The following DCAF8L2 variants were observed in gnomAD, a reference collection of about 807,000 sequenced individuals.
DCAF8L2 encodes DDB1- and CUL4-associated factor 8-like protein 2.
For synonymous variants in DCAF8L2, 200 were observed against 190.9 expected, an observed-to-expected ratio of 1.05 and a Z score of -0.39; for missense variants, 430 against 490.7, an observed-to-expected ratio of 0.88 and a Z score of 1.17.
chrX:27,674,832 T>C (rs1191694165), intron 2 of DCAF8L2, among the ~76,000 whole-genome samples: 2 of 111,672 alleles, frequency 1.8e-5, no homozygotes, highest in African/African-American at 6.5e-5. Context: ...AACAGTATTT[T>C]GGACCGGGTG....
At chrX:27,699,243 G>A (rs1159302973) in intron 3 of DCAF8L2, among the ~76,000 whole-genome samples, 1 of 111,768 alleles carries the variant, frequency 8.9e-6, no homozygotes, top group Non-Finnish European at 1.9e-5. Context: ...TGGATGTGAG[G>A]GACCACGTGG....
At chrX:27,499,007 A>T in the DCAF8L2 span, among the ~76,000 whole-genome samples, 1 of 112,318 alleles carries the variant, frequency 8.9e-6, no homozygotes, top group Non-Finnish European at 1.9e-5. Flanking sequence ...TATCTTGGTT[A>T]TTGTGAATAA....
the DCAF8L2 span, chrX:27,519,846 GA>G: frequency 3.0e-6 from 1 of 331,638 alleles, no homozygotes; most frequent in Admixed American, 5.2e-5. Context: ...AAAAAATAAT[GA>G]AAAAGGATGT....
At chrX:27,601,345 T>C (rs1329868758) in intron 1 of DCAF8L2, among the ~76,000 whole-genome samples, 2 of 112,344 alleles carry the variant, frequency 1.8e-5, no homozygotes, top group Non-Finnish European at 3.8e-5. Context: ...GGAACGATAT[T>C]ATTTAAATAT....
chrX:27,514,701 AAAAAAAACAG>A, the DCAF8L2 span, among the ~76,000 whole-genome samples: 1 of 99,559 alleles, frequency 1.0e-5, no homozygotes, highest in African/African-American at 4.1e-5. Flanking sequence ...AAAAACAAAA[AAAAAAAACAG>A]AGTGAAATCC....
At chrX:27,624,423 G>A (rs1927918038) in intron 1 of DCAF8L2, among the ~76,000 whole-genome samples, 1 of 110,114 alleles carries the variant, frequency 9.1e-6, no homozygotes, top group Non-Finnish European at 1.9e-5. Flanking sequence ...TTTTAAAATG[G>A]CCATACCGCC....
the DCAF8L2 span, among the ~76,000 whole-genome samples, chrX:27,501,325 G>A: frequency 9.2e-6 from 1 of 108,268 alleles, no homozygotes; most frequent in Non-Finnish European, 1.9e-5. Flanking sequence ...GAGATGTCAT[G>A]TGGAGCCAGA....
intron 3 of DCAF8L2, among the ~76,000 whole-genome samples, chrX:27,710,240 G>A (rs913788876): frequency 9.0e-6 from 1 of 111,423 alleles, no homozygotes; most frequent in African/African-American, 3.3e-5. Context: ...TTGTTCCTCA[G>A]TTTAAAAGTG....
intron 3 of DCAF8L2, among the ~76,000 whole-genome samples, chrX:27,704,112 T>G (rs1389113635): frequency 2.0e-5 from 2 of 102,133 alleles, no homozygotes; most frequent in Non-Finnish European, 3.9e-5. Flanking sequence ...TGATGGACAC[T>G]TAGGCTATTA....
chrX:27,588,147 T>G (rs1400423602), upstream of DCAF8L2, among the ~76,000 whole-genome samples: 3 of 108,008 alleles, frequency 2.8e-5, no homozygotes, highest in Admixed American at 1.0e-4. Context: ...CAATAATTAG[T>G]TTTTCAACCC....
the DCAF8L2 span, among the ~76,000 whole-genome samples, chrX:27,477,594 C>G: frequency 7.1e-5 from 8 of 111,940 alleles, no homozygotes; most frequent in African/African-American, 2.6e-4. Flanking sequence ...GCCTCTTTAG[C>G]TGCCTTACTT....
At chrX:27,520,047 T>A in the DCAF8L2 span, among the ~76,000 whole-genome samples, 1 of 111,945 alleles carries the variant, frequency 8.9e-6, no homozygotes, top group Non-Finnish European at 1.9e-5. Context: ...TATTTCTCTA[T>A]TTTATGTATT....
intron 3 of DCAF8L2, among the ~76,000 whole-genome samples, chrX:27,698,789 A>G (rs1191200386): frequency 8.9e-5 from 10 of 112,255 alleles, no homozygotes; most frequent in African/African-American, 3.2e-4. Flanking sequence ...CAAATGTATG[A>G]AACAATTGAA....
intron 4 of DCAF8L2, among the ~76,000 whole-genome samples, chrX:27,744,139 G>A (rs989636062): frequency 9.0e-6 from 1 of 111,418 alleles, no homozygotes; most frequent in Non-Finnish European, 1.9e-5. Context: ...ACTTTTTCTC[G>A]GGAGTATCAC....
chrX:27,496,134 T>C, the DCAF8L2 span, among the ~76,000 whole-genome samples: 1 of 111,663 alleles, frequency 9.0e-6, no homozygotes, highest in Non-Finnish European at 1.9e-5. Context: ...TCATTTGATA[T>C]TAATTTTAAA....
chrX:27,495,377 T>G, the DCAF8L2 span, among the ~76,000 whole-genome samples: 1 of 111,813 alleles, frequency 8.9e-6, no homozygotes, highest in Non-Finnish European at 1.9e-5. Flanking sequence ...AAGATTGTTT[T>G]GGCTCTCCTA....
At chrX:27,499,964 A>T in the DCAF8L2 span, among the ~76,000 whole-genome samples, 1 of 111,474 alleles carries the variant, frequency 9.0e-6, no homozygotes, top group African/African-American at 3.3e-5. Context: ...TAAATTTTTT[A>T]GTTTAGTGTT....
intron 4 of DCAF8L2, among the ~76,000 whole-genome samples, chrX:27,734,774 C>A (rs1921424259): frequency 9.0e-6 from 1 of 111,425 alleles, no homozygotes; most frequent in Non-Finnish European, 1.9e-5. Context: ...GAAATAATGT[C>A]CTGTATTCCA....
intron 2 of DCAF8L2, among the ~76,000 whole-genome samples, chrX:27,646,353 C>G (rs986042096): frequency 1.1e-4 from 12 of 110,070 alleles, no homozygotes; most frequent in African/African-American, 3.9e-4. Context: ...GGAGAACTGG[C>G]TAGACATATG....
Sources: allele counts gnomAD v4.1 joint callset (sites outside exome capture counted in the v4.1 genomes callset), GRCh38; gene constraint gnomAD v4.1.1; transcripts MANE v1.5; gene names NCBI Gene and HGNC (gene_info 2026-07-23, HGNC 2026-07-21).